The following RASAL2 variants were observed in gnomAD, a reference collection of about 807,000 sequenced individuals.
RASAL2 encodes ras GTPase-activating protein nGAP.
In RASAL2, 58 loss-of-function variants were observed where a neutral mutation model predicts 128.9. The ratio of observed to expected loss-of-function variants is 0.45; its 90% CI spans 0.36 to 0.56. The LOEUF (loss-of-function observed/expected upper bound fraction) is 0.56. RASAL2 is among the 20% of genes least tolerant of loss of function. RASAL2 has a pLI of 0.00. For missense variants in RASAL2, 1,360 were observed against 1,601.6 expected (o/e 0.85, Z 2.57); for synonymous variants, 561 against 580.8 (o/e 0.97, Z 0.49).
intron 3 of RASAL2, among the ~76,000 whole-genome samples, chr1:178,332,199 A>G (rs1669354266): frequency 6.6e-6 from 1 of 152,138 alleles, no homozygotes; most frequent in Non-Finnish European, 1.5e-5. Flanking sequence ...GATTTTCTCT[A>G]CAGAAAAACC....
intron 1 of RASAL2, among the ~76,000 whole-genome samples, chr1:178,214,500 T>C (rs999931301): frequency 2.6e-5 from 4 of 151,898 alleles, no homozygotes; most frequent in African/African-American, 9.7e-5. Flanking sequence ...ATGTTTCACA[T>C]AGTAGCTGCC....
At chr1:178,187,536 A>G (rs1007647425) in intron 1 of RASAL2, among the ~76,000 whole-genome samples, 2 of 152,268 alleles carry the variant, frequency 1.3e-5, no homozygotes, top group East Asian at 1.9e-4. Context: ...GAAGTTCACA[A>G]AAGGTGAACC....
At chr1:178,111,756 G>A (rs1659331763) in intron 1 of RASAL2, among the ~76,000 whole-genome samples, 1 of 152,114 alleles carries the variant, frequency 6.6e-6, no homozygotes, top group African/African-American at 2.4e-5. Flanking sequence ...TTAAGATGGA[G>A]TCTTGCTTTG....
chr1:178,445,467 G>A, intron 8 of RASAL2, 51 bp from the exon 9 acceptor site: 2 of 1,572,398 alleles, frequency 1.3e-6, no homozygotes, highest in Non-Finnish European at 1.7e-6. Flanking sequence ...CTCTTCTAAT[G>A]TGTATTATTT....
intron 1 of RASAL2, among the ~76,000 whole-genome samples, chr1:178,109,085 A>G (rs1265536036): frequency 6.6e-6 from 1 of 152,174 alleles, no homozygotes; most frequent in African/African-American, 2.4e-5. Flanking sequence ...AAGAACCACA[A>G]GTTGTATTCA....
chr1:178,416,417 T>C (rs532009135), intron 4 of RASAL2, among the ~76,000 whole-genome samples: 1 of 152,116 alleles, frequency 6.6e-6, no homozygotes, highest in East Asian at 1.9e-4. Flanking sequence ...TAAGTATACA[T>C]AAGCATATAT....
At chr1:178,432,773 C>T (rs1023303951) in intron 5 of RASAL2, among the ~76,000 whole-genome samples, 1 of 152,072 alleles carries the variant, frequency 6.6e-6, no homozygotes, top group Non-Finnish European at 1.5e-5. Context: ...CTCTCAGTGC[C>T]ATCTACTTCT....
chr1:178,389,189 T>C, intron 3 of RASAL2: 1 of 778,166 alleles, frequency 1.3e-6, no homozygotes, highest in Non-Finnish European at 1.6e-6. Context: ...ACAGAATACT[T>C]TTTTTAGGAT....
At chr1:178,456,541 G>A (rs1293196929) in intron 12 of RASAL2, 180 bp from the exon 13 acceptor site, 17 of 694,832 alleles carry the variant, frequency 2.4e-5, no homozygotes, top group Admixed American at 6.2e-5. Flanking sequence ...CATTCATCTC[G>A]ACGCCATGGT....
chr1:178,262,850 G>A (rs1156718986), intron 1 of RASAL2, among the ~76,000 whole-genome samples: 5 of 145,750 alleles, frequency 3.4e-5, no homozygotes, highest in African/African-American at 1.0e-4. Flanking sequence ...CCTAAATGGT[G>A]TACATTAAGC....
At chr1:178,142,898 C>A (rs913275666) in intron 1 of RASAL2, among the ~76,000 whole-genome samples, 1 of 151,956 alleles carries the variant, frequency 6.6e-6, no homozygotes, top group African/African-American at 2.4e-5. Flanking sequence ...ATACTGAAAT[C>A]CCTGAGATTT....
rs149446165 is a variant in RASAL2 at position 178,253,534 on chromosome 1, C to G, written c.203-30030C>G. Among the ~76,000 whole-genome samples, 879 of 152,186 alleles carry G rather than the reference C, an allele frequency of 5.8e-3. 3 individuals carry two copies. The highest frequency in any genetic ancestry group is 8.9e-3 in the Non-Finnish European group (603 of 68,016). ...GACCACCAAACAGGCTTTGTGTGAA[C>G]AATAAGGCTGTTTATTTCACCTGGG... On this transcript the variant is annotated intron_variant, in intron 1 of 17. Coordinates refer to ENST00000367649, the MANE Select transcript of RASAL2 (RefSeq NM_170692.4).
At chr1:178,463,912 A>G (rs140800125) in intron 14 of RASAL2, among the ~76,000 whole-genome samples, 2 of 152,254 alleles carry the variant, frequency 1.3e-5, no homozygotes, top group African/African-American at 2.4e-5. Context: ...ATAGACTTTT[A>G]TGGCATAAAA....
intron 1 of RASAL2, among the ~76,000 whole-genome samples, chr1:178,110,484 T>C (rs1659256070): frequency 1.3e-5 from 2 of 148,244 alleles, no homozygotes; most frequent in Non-Finnish European, 1.5e-5. Flanking sequence ...ACTATATTTA[T>C]ACAGTGTATA....
chr1:178,372,555 G>A (rs1343419768), intron 3 of RASAL2, among the ~76,000 whole-genome samples: 1 of 152,162 alleles, frequency 6.6e-6, no homozygotes, highest in Non-Finnish European at 1.5e-5. Flanking sequence ...AACAAAGAGT[G>A]CTAGCTCCAT....
At chr1:178,165,083 C>T (rs113357582) in intron 1 of RASAL2, among the ~76,000 whole-genome samples, 3,168 of 152,032 alleles carry the variant, frequency 0.021, 97 homozygotes, top group African/African-American at 0.069. Context: ...GCTAATACTT[C>T]ACCATTTTAT....
intron 3 of RASAL2, among the ~76,000 whole-genome samples, chr1:178,308,231 G>T (rs1420836541): frequency 6.6e-6 from 1 of 151,948 alleles, no homozygotes; most frequent in Non-Finnish European, 1.5e-5. Context: ...ATATATTCTA[G>T]CAAGCCTTAG....
chr1:178,456,903 T>G lies in RASAL2; in HGVS notation c.2390+4T>G, dbSNP rs1677815797. 2 of 1,611,838 alleles carry G rather than the reference T, an allele frequency of 1.2e-6. No homozygotes were observed. The highest frequency in any genetic ancestry group is 8.5e-7 in the Non-Finnish European group (1 of 1,178,764). On this transcript the variant is annotated splice_donor_region_variant and intron_variant, in intron 13 of 17. Transcript: ENST00000367649. The stretch of plus-strand genomic sequence containing the variant: ...TATTTGAAGACCCCACTGACAGGTA[T>G]GAAAGAGAGAATTTGACCACTATCT...
At chr1:178,317,198 A>G (rs1668528705) in intron 3 of RASAL2, among the ~76,000 whole-genome samples, 1 of 130,594 alleles carries the variant, frequency 7.7e-6, no homozygotes, top group Non-Finnish European at 1.5e-5. Flanking sequence ...GTTTGCCAGT[A>G]TTTTACTGAG....
Sources: gnomAD v4.1 joint callset for allele counts (sites outside exome capture counted in the v4.1 genomes callset) on GRCh38, gnomAD v4.1.1 for gene constraint, MANE v1.5 for transcripts, NCBI Gene and HGNC (gene_info 2026-07-23, HGNC 2026-07-21) for gene names.